The following MATN3 variants were observed in gnomAD, a reference collection of about 807,000 sequenced individuals.
MATN3 encodes the protein matrilin-3.
MATN3 carries 48 observed loss-of-function variants against 45.3 expected under a neutral mutation model. That is an observed-to-expected ratio of 1.06 (90% CI 0.84 to 1.35). The LOEUF is 1.35. Among genes scored for constraint, MATN3 ranks in the 40% most tolerant of loss-of-function variants. The pLI is 0.00. For synonymous variants in MATN3, 217 were observed against 245.9 expected, an observed-to-expected ratio of 0.88 and a Z score of 1.10; for missense variants, 599 against 628.0, an observed-to-expected ratio of 0.95 and a Z score of 0.49.
intron 4 of MATN3, 106 bp from the exon 5 acceptor site, chr2:20,000,672 T>C (rs1672968537): frequency 2.6e-6 from 3 of 1,150,148 alleles, no homozygotes; most frequent in South Asian, 3.1e-5. Context: ...GAAAACTTAC[T>C]GGAAACTATT....
intron 1 of MATN3, 79 bp from the exon 2 acceptor site, chr2:20,006,389 G>T: frequency 1.7e-6 from 2 of 1,176,486 alleles, no homozygotes; most frequent in Non-Finnish European, 2.3e-6. Context: ...GGGATTCCAG[G>T]AGGCCAGGCA....
rs201304564 is a variant in MATN3, at chr2:19,993,159, G to A, written c.1413C>T (p.Asp471=). Residue 471 remains aspartate, a synonymous_variant, in exon 8 of 8, where the codon GAC becomes GAT. Coordinates refer to ENST00000407540, the MANE Select transcript of MATN3 (RefSeq NM_002381.5). ...CATTTATTTTCAACTTCTCCAAAAT[G>A]TCATCAAGTGGCAAGTTGTTAAGGC... The part of the protein sequence containing the change: ...YLQRLNTKLD[D]ILEKLKINEY... 2.7e-5 allele frequency: 44 copies of A among 1,611,160 alleles called. No homozygotes were observed. In the African/African-American group the frequency reaches 5.3e-4, roughly 20 times the overall value.
At chr2:20,000,034 AT>A (rs1297545998) in intron 5 of MATN3, among the ~76,000 whole-genome samples, 1 of 152,216 alleles carries the variant, frequency 6.6e-6, no homozygotes, top group Non-Finnish European at 1.5e-5. Context: ...CAGCTTTAAG[AT>A]TAACACTACA....
intron 1 of MATN3, among the ~76,000 whole-genome samples, chr2:20,008,623 C>T (rs1409184890): frequency 2.0e-5 from 3 of 152,064 alleles, no homozygotes; most frequent in Non-Finnish European, 4.4e-5. Flanking sequence ...CTTTAGGAAT[C>T]GCAAGGTACC....
intron 1 of MATN3, among the ~76,000 whole-genome samples, chr2:20,011,297 A>G (rs755234131): frequency 2.4e-4 from 36 of 152,374 alleles, no homozygotes; most frequent in Non-Finnish European, 5.0e-4. Flanking sequence ...ATTAACTTCC[A>G]GAAGAAAGGC....
Position 19,992,222 on chromosome 2 carries a change from A to G in MATN3, c.*889T>C, listed in dbSNP as rs974528841. ...TTGTTCTCAAAGTTGCAAGTTTCAA[A>G]GCCAAAAGAATTATATGTATCAAAT... On this transcript the variant is annotated 3_prime_UTR_variant, in exon 8 of 8. Coordinates refer to ENST00000407540, the MANE Select transcript of MATN3 (RefSeq NM_002381.5). 1.3e-5 allele frequency: 2 copies of G among 152,166 alleles called. No individual in the cohort carries two copies. Among genetic ancestry groups the G allele is most frequent in the Non-Finnish European group, 2.9e-5 (2 of 67,990 alleles). 9.4% of individuals were successfully genotyped at this position (152,166 alleles called of 1,614,324 possible).
chr2:20,011,212 TG>T (rs1370888606), intron 1 of MATN3, among the ~76,000 whole-genome samples: 8 of 152,226 alleles, frequency 5.3e-5, no homozygotes, highest in African/African-American at 1.9e-4. Context: ...TAGGGGGACA[TG>T]GCCACCTGGT....
Position 20,002,016 on chromosome 2 carries a change from G to A in MATN3, c.981C>T (p.Gly327=), listed in dbSNP as rs1350132335. ...CEHICVNDRS[G]SYHCECYEGY... ...CTTCATAGCACTCACAATGATAAGAGCCACTTCTGTCATTCACACAGATGT... is the reference window on the plus strand; with the variant it reads ...CTTCATAGCACTCACAATGATAAGAACCACTTCTGTCATTCACACAGATGT... Residue 327 remains glycine, a synonymous_variant, in exon 4 of 8, where the codon GGC becomes GGT. Transcript: ENST00000407540. The A allele has an allele frequency of 3.5e-5, 57 of 1,613,016 alleles. No individual in the cohort carries two copies. The highest frequency in any genetic ancestry group is 4.6e-5 in the Non-Finnish European group (54 of 1,179,174).
chr2:20,004,752 T>C (rs1673063254), intron 2 of MATN3, among the ~76,000 whole-genome samples: 1 of 152,246 alleles, frequency 6.6e-6, no homozygotes, highest in African/African-American at 2.4e-5. Context: ...ATTACCTTTA[T>C]CTTTGTATCA....
chr2:20,003,499 TA>T, intron 2 of MATN3, among the ~76,000 whole-genome samples: 1 of 152,244 alleles, frequency 6.6e-6, no homozygotes, highest in Non-Finnish European at 1.5e-5. Context: ...CACATCTTGC[TA>T]TATAGACTTT....
chr2:19,999,494 G>A (rs1013902147), intron 5 of MATN3, among the ~76,000 whole-genome samples: 2 of 151,954 alleles, frequency 1.3e-5, no homozygotes, highest in Admixed American at 1.3e-4. Context: ...GCTTTCATAA[G>A]GAGCCGGCTC....
intron 1 of MATN3, among the ~76,000 whole-genome samples, chr2:20,011,481 C>T (rs901934659): frequency 1.3e-5 from 2 of 152,196 alleles, no homozygotes; most frequent in Admixed American, 6.5e-5. Context: ...CTCAGCTTAT[C>T]CAGAAAGATG....
intron 1 of MATN3, among the ~76,000 whole-genome samples, chr2:20,008,210 A>AGAGT (rs1262271526): frequency 3.9e-5 from 6 of 152,240 alleles, no homozygotes; most frequent in Non-Finnish European, 5.9e-5. Flanking sequence ...TGATCCTCCC[A>AGAGT]CCTTGGCCTC....
At chr2:20,004,204 CAACA>C (rs1673048703) in intron 2 of MATN3, 1 of 152,366 alleles carries the variant, frequency 6.6e-6, no homozygotes, top group East Asian at 1.9e-4. Context: ...CCGTTGACTA[CAACA>C]AGCTGCCGCT....
intron 2 of MATN3, among the ~76,000 whole-genome samples, chr2:20,005,407 G>A (rs1673076323): frequency 6.6e-6 from 1 of 152,180 alleles, no homozygotes. Context: ...GGGGACAGGA[G>A]AGGCATCTTG....
At chr2:19,999,866 A>C (rs1322262047) in intron 5 of MATN3, among the ~76,000 whole-genome samples, 1 of 152,186 alleles carries the variant, frequency 6.6e-6, no homozygotes, top group South Asian at 2.1e-4. Context: ...ATGAGGATTA[A>C]CAGCACTGGC....
At chr2:20,011,846 C>T (rs898173478) in intron 1 of MATN3, among the ~76,000 whole-genome samples, 1 of 152,226 alleles carries the variant, frequency 6.6e-6, no homozygotes, top group African/African-American at 2.4e-5. Flanking sequence ...CTTCAGGAAT[C>T]AATTGCTGAC....
At chr2:19,993,962 T>G (rs1672809083) in intron 7 of MATN3, among the ~76,000 whole-genome samples, 1 of 152,218 alleles carries the variant, frequency 6.6e-6, no homozygotes, top group Non-Finnish European at 1.5e-5. Context: ...ACTTGCTTTG[T>G]ACATGTTCAG....
Position 20,012,308 on chromosome 2 carries a change from G to T in MATN3, c.223+101C>A. On this transcript the variant is annotated intron_variant, in intron 1 of 7. Transcript: ENST00000407540. The surrounding 1 kb of genome is among the most constrained non-coding windows in gnomAD (Gnocchi z 4.3). ...CATCCGGGAGGGGCCTCTTTCCCCC[G>T]CACCACGGTCGGCCTGAGGCCGGGA... is the stretch of plus-strand genomic sequence containing the variant. 1.1e-6 allele frequency: 1 copy of T among 916,664 alleles called. No homozygotes were observed. The highest frequency in any genetic ancestry group is 1.4e-6 in the Non-Finnish European group (1 of 703,022). 56.8% of individuals were successfully genotyped at this position (916,664 alleles called of 1,614,324 possible). A position where few individuals can be genotyped will look rare whatever the true frequency, so the allele number is the denominator to read the frequency against.
Sources: allele counts gnomAD v4.1 joint callset (sites outside exome capture counted in the v4.1 genomes callset), GRCh38; gene constraint gnomAD v4.1.1; non-coding constraint Gnocchi (gnomAD v3.1); transcripts MANE v1.5; gene names NCBI Gene and HGNC (gene_info 2026-07-23, HGNC 2026-07-21).